STEAP1B: variants seen among roughly 807,000 people sequenced by gnomAD.
The protein encoded by STEAP1B is STEAP family protein MGC87042.
In STEAP1B, 13 loss-of-function variants were observed where a neutral mutation model predicts 27.9. That is an observed-to-expected ratio of 0.47 (90% CI 0.30 to 0.74). The LOEUF is 0.74. Ranked by LOEUF, STEAP1B falls within the 30% of genes least tolerant of loss-of-function variation. The pLI is 0.06. For missense variants in STEAP1B, 250 were observed against 298.7 expected, an observed-to-expected ratio of 0.84 and a Z score of 1.20; for synonymous variants, 86 against 107.1, an observed-to-expected ratio of 0.80 and a Z score of 1.22.
chr7:22,455,087 T>A (rs538347469), intron 4 of STEAP1B, among the ~76,000 whole-genome samples: 96 of 152,102 alleles, frequency 6.3e-4, no homozygotes, highest in Non-Finnish European at 1.2e-3. Flanking sequence ...ATGGTCTCGA[T>A]CTCTTCACTT....
intron 4 of STEAP1B, among the ~76,000 whole-genome samples, chr7:22,423,561 G>A (rs1785069354): frequency 6.6e-6 from 1 of 152,162 alleles, no homozygotes; most frequent in Non-Finnish European, 1.5e-5. Context: ...CCAGGAATAG[G>A]GAAATCCATA....
chr7:22,476,820 C>T (rs1785981080), intron 4 of STEAP1B, among the ~76,000 whole-genome samples: 1 of 152,188 alleles, frequency 6.6e-6, no homozygotes, highest in South Asian at 2.1e-4. Context: ...AACATCATGG[C>T]TGTACTGGGT....
At chr7:22,474,881 A>G (rs1462686651) in intron 4 of STEAP1B, among the ~76,000 whole-genome samples, 2 of 152,234 alleles carry the variant, frequency 1.3e-5, no homozygotes, top group African/African-American at 2.4e-5. Context: ...CCAGGCAGGT[A>G]GCTGTGTGAA....
At chr7:22,470,015 T>C (rs116085373) in intron 4 of STEAP1B, among the ~76,000 whole-genome samples, 4,081 of 152,280 alleles carry the variant, frequency 0.027, 181 homozygotes, top group African/African-American at 0.093. Flanking sequence ...CATAAATTAT[T>C]ACATGTACCT....
chr7:22,492,437 T>A, intron 4 of STEAP1B, 128 bp downstream of exon 4: 3 of 1,331,966 alleles, frequency 2.3e-6, no homozygotes, highest in Non-Finnish European at 2.9e-6. Flanking sequence ...CATTATTAAC[T>A]GGAACAAGTA....
At chr7:22,449,549 A>T (rs1785454738) in intron 4 of STEAP1B, among the ~76,000 whole-genome samples, 1 of 152,168 alleles carries the variant, frequency 6.6e-6, no homozygotes, top group African/African-American at 2.4e-5. Flanking sequence ...CTGTTGATGG[A>T]CTCATAGGTT....
chr7:22,497,136 G>A (rs1786456043), intron 1 of STEAP1B, among the ~76,000 whole-genome samples: 1 of 152,186 alleles, frequency 6.6e-6, no homozygotes. Context: ...ACTCAGGCCT[G>A]GGCAATCAGT....
intron 4 of STEAP1B, among the ~76,000 whole-genome samples, chr7:22,456,972 A>ATATATATATTTTTTTTT: frequency 1.4e-4 from 8 of 57,080 alleles, no homozygotes; most frequent in African/African-American, 5.6e-4. Flanking sequence ...ATATATATAT[A>ATATATATATTTTTTTTT]TTTTTTTTTT....
chr7:22,442,688 A>G (rs1432738248), intron 4 of STEAP1B, among the ~76,000 whole-genome samples: 1 of 152,232 alleles, frequency 6.6e-6, no homozygotes, highest in Non-Finnish European at 1.5e-5. Flanking sequence ...TTTCAGGGGA[A>G]AGAACACATT....
chr7:22,425,179 C>T (rs1028960212), intron 4 of STEAP1B, among the ~76,000 whole-genome samples: 1 of 152,134 alleles, frequency 6.6e-6, no homozygotes, highest in African/African-American at 2.4e-5. Flanking sequence ...AAAATCTGCC[C>T]TGGGTGAAGT....
chr7:22,424,830 G>A (rs1197665423), intron 4 of STEAP1B, among the ~76,000 whole-genome samples: 1 of 151,178 alleles, frequency 6.6e-6, no homozygotes, highest in African/African-American at 2.4e-5. Flanking sequence ...ATAATAATAT[G>A]GGAAAATACT....
chr7:22,491,231 T>G (rs1177879606), intron 4 of STEAP1B, among the ~76,000 whole-genome samples: 3 of 152,230 alleles, frequency 2.0e-5, no homozygotes, highest in African/African-American at 7.2e-5. Context: ...TGCCATAGTA[T>G]AGTGACACTA....
intron 4 of STEAP1B, among the ~76,000 whole-genome samples, chr7:22,483,786 G>A (rs1207648192): frequency 1.3e-5 from 2 of 152,116 alleles, no homozygotes; most frequent in Non-Finnish European, 2.9e-5. Flanking sequence ...ATAGGGAGAG[G>A]CAGAGAGACA....
intron 4 of STEAP1B, among the ~76,000 whole-genome samples, chr7:22,440,010 C>T (rs536941642): frequency 1.2e-4 from 18 of 152,256 alleles, no homozygotes; most frequent in East Asian, 3.9e-4. Context: ...AATCAGCCTA[C>T]GCCTTTTGAA....
chr7:22,422,525 C>T (rs1323995281), intron 4 of STEAP1B, among the ~76,000 whole-genome samples: 1 of 149,594 alleles, frequency 6.7e-6, no homozygotes, highest in Non-Finnish European at 1.5e-5. Flanking sequence ...TAGAGTTTCA[C>T]TCTTATTGCC....
chr7:22,427,661 T>G (rs1029557586), intron 4 of STEAP1B, among the ~76,000 whole-genome samples: 2 of 152,074 alleles, frequency 1.3e-5, no homozygotes, highest in Admixed American at 6.6e-5. Context: ...ACATCCAACC[T>G]AAGAGATTAG....
rs373619285 is a variant in STEAP1B at position 22,433,147 on chromosome 7, A to C, written c.763-13311T>G. On this transcript the variant is annotated intron_variant, in intron 4 of 4. Transcript: ENST00000678116. ...AAATGAGTTATTTCACCAAAAAAAA[A>C]CAAAACAAAACCCAAAATCAAAAAG... 1.1e-3 allele frequency among the ~76,000 whole-genome samples: 165 copies of C among 150,268 alleles called. 1 individual carries two copies. Among genetic ancestry groups the C allele is most frequent in the African/African-American group, 3.7e-3 (150 of 40,892 alleles).
intron 4 of STEAP1B, among the ~76,000 whole-genome samples, chr7:22,463,532 A>G (rs1785716461): frequency 6.6e-6 from 1 of 152,246 alleles, no homozygotes; most frequent in African/African-American, 2.4e-5. Flanking sequence ...AGCGGGAGGC[A>G]TCACACTACC....
chr7:22,426,380 T>A (rs954581497), intron 4 of STEAP1B, among the ~76,000 whole-genome samples: 3 of 152,212 alleles, frequency 2.0e-5, no homozygotes, highest in Non-Finnish European at 4.4e-5. Context: ...AGTATTTTTT[T>A]AAAATGTTAA....
Sources: gnomAD v4.1 joint callset for allele counts (sites outside exome capture counted in the v4.1 genomes callset) on GRCh38, gnomAD v4.1.1 for gene constraint, MANE v1.5 for transcripts, NCBI Gene and HGNC (gene_info 2026-07-23, HGNC 2026-07-21) for gene names.